Variants in LDB2 observed in about 807,000 individuals in gnomAD.
LDB2 encodes the protein LIM domain-binding protein 2.
A neutral mutation model predicts 44.3 loss-of-function variants in LDB2; 12 were observed. The observed-to-expected ratio is 0.27, with a 90% CI of 0.17 to 0.44. The LOEUF (loss-of-function observed/expected upper bound fraction) is 0.44, where lower values mean the gene tolerates loss of function less well. Ranked by LOEUF, LDB2 falls within the 20% of genes least tolerant of loss-of-function variation. The pLI is 1.00. For missense variants in LDB2, 344 were observed against 473.5 expected, an observed-to-expected ratio of 0.73 and a Z score of 2.54; for synonymous variants, 164 against 174.8, an observed-to-expected ratio of 0.94 and a Z score of 0.49.
intron 2 of LDB2, among the ~76,000 whole-genome samples, chr4:16,710,890 G>A (rs1322368325): frequency 6.6e-6 from 1 of 152,150 alleles, no homozygotes; most frequent in Non-Finnish European, 1.5e-5. Flanking sequence ...TGGAGATGAT[G>A]GGCTAAAGTA....
At chr4:16,690,449 G>C (rs941626734) in intron 2 of LDB2, among the ~76,000 whole-genome samples, 3 of 134,150 alleles carry the variant, frequency 2.2e-5, no homozygotes, top group African/African-American at 8.3e-5. Context: ...GCAACCGGAG[G>C]AAGACCCTGC....
intron 5 of LDB2, among the ~76,000 whole-genome samples, chr4:16,519,042 A>C (rs1187134255): frequency 6.6e-6 from 1 of 152,236 alleles, no homozygotes; most frequent in Non-Finnish European, 1.5e-5. Context: ...ATCTTTGCAC[A>C]TCCCAGTGTT....
intron 1 of LDB2, among the ~76,000 whole-genome samples, chr4:16,834,338 C>G (rs1245454494): frequency 6.6e-6 from 1 of 152,232 alleles, no homozygotes; most frequent in African/African-American, 2.4e-5. Context: ...CTTTCACAAT[C>G]AGTATTTCCA....
chr4:16,718,516 T>C (rs1757561209), intron 2 of LDB2, among the ~76,000 whole-genome samples: 1 of 152,142 alleles, frequency 6.6e-6, no homozygotes, highest in South Asian at 2.1e-4. Context: ...GAGCTACAAA[T>C]TGAGTCAGCC....
intron 5 of LDB2, among the ~76,000 whole-genome samples, chr4:16,561,332 T>C (rs939030766): frequency 8.5e-5 from 13 of 152,130 alleles, no homozygotes; most frequent in Non-Finnish European, 1.3e-4. Context: ...TCGTCTCAGC[T>C]GAAAATCTCC....
chr4:16,638,232 G>A (rs761604895), intron 2 of LDB2, among the ~76,000 whole-genome samples: 9 of 152,092 alleles, frequency 5.9e-5, no homozygotes, highest in Non-Finnish European at 1.2e-4. Flanking sequence ...AGGATACTAC[G>A]CAAAGACAGC....
chr4:16,655,883 T>C lies in LDB2; in HGVS notation c.236-60008A>G, dbSNP rs144117563. Among the ~76,000 whole-genome samples, 266 of 145,580 alleles carry C rather than the reference T, an allele frequency of 1.8e-3. 2 individuals are homozygous for C. Among genetic ancestry groups the C allele is most frequent in the African/African-American group, 6.5e-3 (254 of 39,336 alleles). ...CTTCTCATAAAGAAAACGTTGGTTG[T>C]TCTGCAAGAAAACTTTTTTTTTTTT... is the stretch of plus-strand genomic sequence containing the variant. On this transcript the variant is annotated intron_variant, in intron 2 of 7. Transcript: ENST00000304523.
At chr4:16,641,657 G>A (rs950890289) in intron 2 of LDB2, among the ~76,000 whole-genome samples, 2 of 152,106 alleles carry the variant, frequency 1.3e-5, no homozygotes, top group Non-Finnish European at 2.9e-5. Context: ...CCACAAGGAT[G>A]GCACTAAGCC....
intron 2 of LDB2, among the ~76,000 whole-genome samples, chr4:16,680,870 T>C (rs1747659884): frequency 6.6e-6 from 1 of 152,192 alleles, no homozygotes; most frequent in Admixed American, 6.5e-5. Flanking sequence ...CTGTGATACT[T>C]ACACAACCAA....
At chr4:16,720,365 T>C (rs1757999797) in intron 2 of LDB2, among the ~76,000 whole-genome samples, 1 of 152,102 alleles carries the variant, frequency 6.6e-6, no homozygotes, top group Non-Finnish European at 1.5e-5. Flanking sequence ...CAATGTCAGC[T>C]CACACCTGAA....
At chr4:16,856,689 C>T (rs1390872385) in intron 1 of LDB2, among the ~76,000 whole-genome samples, 1 of 152,128 alleles carries the variant, frequency 6.6e-6, no homozygotes, top group Non-Finnish European at 1.5e-5. Context: ...TAAAGAAATG[C>T]TCACACCTAT....
At chr4:16,781,336 A>G (rs1773182434) in intron 1 of LDB2, among the ~76,000 whole-genome samples, 1 of 152,174 alleles carries the variant, frequency 6.6e-6, no homozygotes, top group African/African-American at 2.4e-5. Flanking sequence ...GTCTTCACAG[A>G]GTAACTCCAA....
At chr4:16,633,671 A>C (rs942285465) in intron 2 of LDB2, among the ~76,000 whole-genome samples, 7 of 152,230 alleles carry the variant, frequency 4.6e-5, no homozygotes, top group African/African-American at 1.7e-4. Flanking sequence ...CAGTATCATG[A>C]AAATGGCCTC....
At chr4:16,878,264 C>G (rs536732529) in intron 1 of LDB2, among the ~76,000 whole-genome samples, 119 of 152,238 alleles carry the variant, frequency 7.8e-4, no homozygotes, top group Non-Finnish European at 1.5e-3. Context: ...CATCATTAAA[C>G]TGTACAGTTA....
chr4:16,736,491 G>A (rs9991029), intron 2 of LDB2, among the ~76,000 whole-genome samples: 12,640 of 152,166 alleles, frequency 0.083, 823 homozygotes, highest in East Asian at 0.4. Flanking sequence ...TTTGAATTAC[G>A]CAAATGTGAC....
chr4:16,559,789 A>T (rs1050615144), intron 5 of LDB2, among the ~76,000 whole-genome samples: 2 of 152,166 alleles, frequency 1.3e-5, no homozygotes, highest in Admixed American at 1.3e-4. Context: ...CACCACACCT[A>T]TTCCAAAATT....
chr4:16,529,179 A>G (rs1010299960), intron 5 of LDB2, among the ~76,000 whole-genome samples: 2 of 152,126 alleles, frequency 1.3e-5, no homozygotes, highest in African/African-American at 2.4e-5. Flanking sequence ...GGGCCCAAGG[A>G]TGCAGCTTTT....
intron 1 of LDB2, among the ~76,000 whole-genome samples, chr4:16,805,163 G>A (rs1778542270): frequency 6.6e-6 from 1 of 152,082 alleles, no homozygotes; most frequent in African/African-American, 2.4e-5. Context: ...TATCATGAAG[G>A]CCTCGCTCCC....
intron 5 of LDB2, among the ~76,000 whole-genome samples, chr4:16,526,547 GTCTATCA>G (rs371322071): frequency 6.6e-6 from 1 of 152,200 alleles, no homozygotes; most frequent in African/African-American, 2.4e-5. Flanking sequence ...TCATCTATCT[GTCTATCA>G]TCTATCATCT....
Sources: allele counts gnomAD v4.1 joint callset (sites outside exome capture counted in the v4.1 genomes callset), GRCh38; gene constraint gnomAD v4.1.1; transcripts MANE v1.5; gene names NCBI Gene and HGNC (gene_info 2026-07-23, HGNC 2026-07-21).